THSD7B: variants seen among roughly 807,000 people sequenced by gnomAD.
THSD7B encodes thrombospondin type 1 domain containing 7B.
A neutral mutation model predicts 213.6 loss-of-function variants in THSD7B; 138 were observed. The ratio of observed to expected loss-of-function variants is 0.65; its 90% CI spans 0.56 to 0.74. The LOEUF (loss-of-function observed/expected upper bound fraction) is 0.74, where lower values mean the gene tolerates loss of function less well. Among genes scored for constraint, THSD7B ranks in the 30% least tolerant of loss-of-function variants. The pLI, the probability that THSD7B is intolerant of heterozygous loss-of-function variation, is 0.00. For missense variants in THSD7B, 1,931 were observed against 1,991.5 expected (o/e 0.97, Z 0.58); for synonymous variants, 742 against 687.0 (o/e 1.08, Z -1.25).
chr2:137,557,774 G>T (rs1275116562), intron 15 of THSD7B, among the ~76,000 whole-genome samples: 1 of 152,118 alleles, frequency 6.6e-6, no homozygotes, highest in Non-Finnish European at 1.5e-5. Context: ...ATGAATCCAG[G>T]AGCTGGTTTT....
intron 16 of THSD7B, among the ~76,000 whole-genome samples, chr2:137,564,940 AT>A (rs973064019): frequency 1.8e-4 from 27 of 152,170 alleles, no homozygotes; most frequent in African/African-American, 6.3e-4. Context: ...CCATTTGGAA[AT>A]AAATAGGATC....
Position 136,972,012 on chromosome 2 carries a change from T to G in THSD7B, c.140-84408T>G, listed in dbSNP as rs1685413022. 2.6e-5 allele frequency among the ~76,000 whole-genome samples: 4 copies of G among 152,160 alleles called. No homozygotes were observed. In the South Asian group the frequency reaches 8.3e-4, roughly 32 times the overall value. ...CCAGACACAGAAAGCAAATGTACTCTTCTGATACCTCTTATAATCTAGGAA... is the reference window on the plus strand; with the variant it reads ...CCAGACACAGAAAGCAAATGTACTCGTCTGATACCTCTTATAATCTAGGAA... On this transcript the variant is annotated intron_variant, in intron 2 of 27. Coordinates refer to ENST00000409968, the MANE Select transcript of THSD7B (RefSeq NM_001316349.2).
At chr2:137,590,712 A>G (rs1193747789) in intron 17 of THSD7B, among the ~76,000 whole-genome samples, 1 of 150,046 alleles carries the variant, frequency 6.7e-6, no homozygotes, top group Non-Finnish European at 1.5e-5. Context: ...TCCTTTTTAT[A>G]CGTTAATTTT....
In THSD7B at chr2:137,059,956, C is replaced by G. The variant is rs553902303; in HGVS notation, c.950+2726C>G. On this transcript the variant is annotated intron_variant, in intron 3 of 27. Transcript: ENST00000409968. ...GTTTTGTAAGAAACTGCCCAGCTGT[C>G]TTCCAGAATGGCTGTGCCACTTTGC... Among the ~76,000 whole-genome samples the G allele has an allele frequency of 2.0e-5, 3 of 152,276 alleles. No homozygotes were observed. In the South Asian group the frequency reaches 6.2e-4, roughly 32 times the overall value.
chr2:136,917,690 G>T (rs1169675596), intron 2 of THSD7B, among the ~76,000 whole-genome samples: 1 of 152,162 alleles, frequency 6.6e-6, no homozygotes, highest in Non-Finnish European at 1.5e-5. Context: ...AATTATTTAA[G>T]GTGCAGAGTC....
At chr2:137,200,432 A>G (rs1261839277) in intron 7 of THSD7B, among the ~76,000 whole-genome samples, 1 of 44,406 alleles carries the variant, frequency 2.3e-5, no homozygotes, top group Non-Finnish European at 8.1e-5. Flanking sequence ...TGGTTTGTCA[A>G]GTATTTTTTT....
At chr2:137,335,552 C>T (rs1034218570) in intron 12 of THSD7B, among the ~76,000 whole-genome samples, 5 of 152,156 alleles carry the variant, frequency 3.3e-5, no homozygotes, top group Admixed American at 2.6e-4. Flanking sequence ...ATGCTCACAA[C>T]CTCTAAATAA....
At chr2:136,859,386 A>T (rs1683225717) in intron 1 of THSD7B, among the ~76,000 whole-genome samples, 1 of 152,214 alleles carries the variant, frequency 6.6e-6, no homozygotes, top group Non-Finnish European at 1.5e-5. Context: ...CTTAACTAGA[A>T]TTAAAAATTC....
At chr2:137,003,431 TG>T (rs1355928497) in intron 2 of THSD7B, among the ~76,000 whole-genome samples, 1 of 152,078 alleles carries the variant, frequency 6.6e-6, no homozygotes, top group African/African-American at 2.4e-5. Flanking sequence ...ATAAGAGGGG[TG>T]TAACAATAGA....
intron 15 of THSD7B, among the ~76,000 whole-genome samples, chr2:137,505,001 G>A (rs931492295): frequency 6.6e-6 from 1 of 151,968 alleles, no homozygotes; most frequent in African/African-American, 2.4e-5. Context: ...AAGCAGGAAG[G>A]GAGAAAGGGA....
chr2:136,929,498 G>A (rs549033), intron 2 of THSD7B, among the ~76,000 whole-genome samples: 1 of 152,038 alleles, frequency 6.6e-6, no homozygotes, highest in East Asian at 1.9e-4. Context: ...TAGGTTTTAG[G>A]TTCTGTGCAT....
intron 12 of THSD7B, among the ~76,000 whole-genome samples, chr2:137,352,052 G>A (rs1178112980): frequency 6.6e-6 from 1 of 151,740 alleles, no homozygotes; most frequent in Non-Finnish European, 1.5e-5. Flanking sequence ...GTCCAGGGAA[G>A]CCAAAAGATT....
intron 2 of THSD7B, among the ~76,000 whole-genome samples, chr2:136,935,947 T>C (rs1181689904): frequency 6.8e-6 from 1 of 147,960 alleles, no homozygotes; most frequent in Non-Finnish European, 1.5e-5. Flanking sequence ...TATATAATTA[T>C]ATATTCTAGA....
chr2:137,293,562 A>T (rs1464922320), intron 12 of THSD7B, among the ~76,000 whole-genome samples: 11 of 151,888 alleles, frequency 7.2e-5, no homozygotes, highest in African/African-American at 2.4e-4. Context: ...GTTAACCAGA[A>T]TTGGTTCTCT....
chr2:137,192,780 AT>A (rs1481019921), intron 7 of THSD7B, among the ~76,000 whole-genome samples: 2 of 152,192 alleles, frequency 1.3e-5, no homozygotes, highest in Non-Finnish European at 2.9e-5. Flanking sequence ...GAAAAAAACC[AT>A]TTCACTTTAA....
chr2:137,603,095 G>C (rs549180322), intron 17 of THSD7B, among the ~76,000 whole-genome samples: 17 of 152,280 alleles, frequency 1.1e-4, no homozygotes, highest in Middle Eastern at 3.4e-3. Context: ...ATTAGATGAT[G>C]CTTTGCTGAA....
chr2:137,027,109 G>A (rs916395070), intron 2 of THSD7B, among the ~76,000 whole-genome samples: 4 of 152,130 alleles, frequency 2.6e-5, no homozygotes, highest in Admixed American at 6.6e-5. Flanking sequence ...CATTCACTGC[G>A]TGGTTATTAA....
intron 2 of THSD7B, among the ~76,000 whole-genome samples, chr2:137,055,054 C>T (rs908040132): frequency 3.9e-5 from 6 of 151,984 alleles, no homozygotes; most frequent in East Asian, 3.9e-4. Context: ...TTCCTGTGTT[C>T]GTTTGCTGAG....
intron 21 of THSD7B, among the ~76,000 whole-genome samples, chr2:137,647,655 G>T (rs960245114): frequency 6.6e-6 from 1 of 152,024 alleles, no homozygotes; most frequent in Non-Finnish European, 1.5e-5. Flanking sequence ...AATGACCATT[G>T]ATCAATAAGA....
Sources: allele counts gnomAD v4.1 joint callset (sites outside exome capture counted in the v4.1 genomes callset), GRCh38; gene constraint gnomAD v4.1.1; transcripts MANE v1.5; gene names NCBI Gene and HGNC (gene_info 2026-07-23, HGNC 2026-07-21).